The following FSTL5 variants were observed in gnomAD, a reference collection of about 807,000 sequenced individuals.
FSTL5 encodes the protein follistatin like 5.
Under a neutral mutation model 89.1 loss-of-function variants are expected in FSTL5, and 62 were observed. The observed-to-expected ratio is 0.70, with a 90% CI of 0.57 to 0.86. FSTL5 has a LOEUF of 0.86. Among genes scored for constraint, FSTL5 ranks in the 40% least tolerant of loss-of-function variants. The pLI is 0.00. For missense variants in FSTL5, 1,057 were observed against 1,001.6 expected (o/e 1.06, Z -0.75); for synonymous variants, 383 against 346.2 (o/e 1.11, Z -1.18).
chr4:161,782,341 C>A (rs1054523099), intron 4 of FSTL5, among the ~76,000 whole-genome samples: 7 of 152,098 alleles, frequency 4.6e-5, no homozygotes, highest in African/African-American at 1.7e-4. Context: ...AGTGGCCGTA[C>A]CATTTTGTAT....
chr4:161,863,417 A>T (rs1004035229), intron 4 of FSTL5, among the ~76,000 whole-genome samples: 1 of 152,216 alleles, frequency 6.6e-6, no homozygotes, highest in African/African-American at 2.4e-5. Flanking sequence ...TCATGGGGAA[A>T]GTCAACACAA....
rs567113213 is a variant in FSTL5, at chr4:161,738,725, A to G, written c.727+20686T>C. ...TAATAATGCTTCACATACTTGGAAA[A>G]TTGCATGGGAAATCAAAACTGTTTG... On this transcript the variant is annotated intron_variant, in intron 6 of 15. Transcript: ENST00000306100. 2.6e-5 allele frequency among the ~76,000 whole-genome samples: 4 copies of G among 152,298 alleles called. No individual in the cohort carries two copies. In the South Asian group the frequency reaches 8.3e-4, roughly 32 times the overall value.
intron 5 of FSTL5, among the ~76,000 whole-genome samples, chr4:161,775,659 G>T (rs1741382185): frequency 6.6e-6 from 1 of 152,040 alleles, no homozygotes; most frequent in Middle Eastern, 3.4e-3. Flanking sequence ...ATCAGAAGTA[G>T]ATATCTCTTT....
At chr4:161,625,938 C>T (rs571405584) in intron 7 of FSTL5, among the ~76,000 whole-genome samples, 54 of 152,170 alleles carry the variant, frequency 3.5e-4, no homozygotes, top group African/African-American at 1.2e-3. Context: ...CAGAGAAAGG[C>T]TGTAAATCTC....
At chr4:162,047,425 G>C (rs1406902820) in intron 2 of FSTL5, 4 of 152,038 alleles carry the variant, frequency 2.6e-5, no homozygotes, top group African/African-American at 9.7e-5. Context: ...ACAACTGGAG[G>C]GTTCATGGAG....
chr4:161,655,594 T>C (rs569711030), intron 7 of FSTL5, among the ~76,000 whole-genome samples: 149 of 152,280 alleles, frequency 9.8e-4, no homozygotes, highest in African/African-American at 3.5e-3. Context: ...AATTAATATA[T>C]GCACATGTTA....
At chr4:161,643,385 C>T (rs2126670483) in intron 7 of FSTL5, among the ~76,000 whole-genome samples, 1 of 152,140 alleles carries the variant, frequency 6.6e-6, no homozygotes, top group African/African-American at 2.4e-5. Context: ...TGGCCTTCAG[C>T]ATTTATATTT....
chr4:162,018,038 G>A (rs1736966243), intron 3 of FSTL5, among the ~76,000 whole-genome samples: 1 of 152,124 alleles, frequency 6.6e-6, no homozygotes, highest in African/African-American at 2.4e-5. Context: ...GCTAAGTCCA[G>A]TTCTGTGAGT....
chr4:162,119,757 T>C (rs1194400397), intron 1 of FSTL5, among the ~76,000 whole-genome samples: 1 of 152,154 alleles, frequency 6.6e-6, no homozygotes, highest in Non-Finnish European at 1.5e-5. Context: ...TATAGTACAC[T>C]AGAACCTATT....
chr4:161,992,886 ATATATATATATG>A (rs1736162755), intron 3 of FSTL5, among the ~76,000 whole-genome samples: 2 of 16,504 alleles, frequency 1.2e-4, no homozygotes, highest in Non-Finnish European at 3.7e-4. Flanking sequence ...ATATATATAT[ATATATATATATG>A]TGTGTGTATA....
intron 3 of FSTL5, among the ~76,000 whole-genome samples, chr4:161,944,802 TTTTG>T (rs1283957616): frequency 6.6e-6 from 1 of 151,794 alleles, no homozygotes; most frequent in African/African-American, 2.4e-5. Context: ...TAATTTATAA[TTTTG>T]TTTGTTTTTA....
intron 6 of FSTL5, among the ~76,000 whole-genome samples, chr4:161,657,331 TCA>T (rs1469679338): frequency 6.6e-6 from 1 of 152,212 alleles, no homozygotes; most frequent in East Asian, 1.9e-4. Context: ...CTGCTGACAT[TCA>T]CAGACATGAA....
rs569099188 is a variant in FSTL5, at chr4:161,481,666, T to C, written c.1459-497A>G. Among the ~76,000 whole-genome samples, 193 of 152,302 alleles carry C rather than the reference T, an allele frequency of 1.3e-3. 1 individual carries two copies. Among genetic ancestry groups the C allele is most frequent in the African/African-American group, 4.4e-3 (184 of 41,570 alleles). On this transcript the variant is annotated intron_variant, in intron 12 of 15. Coordinates refer to ENST00000306100, the MANE Select transcript of FSTL5 (RefSeq NM_020116.5). ...ATAAATCAGAGGCTTAAATAAATTA[T>C]AATAAGATAGTTATTCACAATGGTT...
chr4:161,736,177 G>C (rs1303730575), intron 6 of FSTL5, among the ~76,000 whole-genome samples: 1 of 152,074 alleles, frequency 6.6e-6, no homozygotes, highest in Non-Finnish European at 1.5e-5. Flanking sequence ...CTGCACATTT[G>C]ATTACAGAAT....
chr4:161,813,503 GA>G (rs1420171673), intron 4 of FSTL5, among the ~76,000 whole-genome samples: 1 of 152,170 alleles, frequency 6.6e-6, no homozygotes, highest in Non-Finnish European at 1.5e-5. Context: ...AACGATCATG[GA>G]AAAGCTGTTT....
chr4:161,532,518 G>C (rs1731447930), intron 10 of FSTL5, among the ~76,000 whole-genome samples: 1 of 152,050 alleles, frequency 6.6e-6, no homozygotes, highest in South Asian at 2.1e-4. Context: ...ATTTTTTGTA[G>C]ATTTATACAA....
chr4:161,642,072 T>C (rs1239111557), intron 7 of FSTL5, among the ~76,000 whole-genome samples: 2 of 152,132 alleles, frequency 1.3e-5, no homozygotes, highest in African/African-American at 2.4e-5. Flanking sequence ...TTTATACATT[T>C]AAGAGATGCA....
intron 11 of FSTL5, among the ~76,000 whole-genome samples, chr4:161,506,171 G>GC (rs70937659): frequency 0.8 from 121,072 of 151,732 alleles, 49,367 homozygotes; most frequent in Non-Finnish European, 0.89. Context: ...CAGAGCTCAG[G>GC]GATCCTCCCA....
intron 2 of FSTL5, among the ~76,000 whole-genome samples, chr4:162,033,990 C>T (rs1432491735): frequency 2.6e-5 from 4 of 151,828 alleles, no homozygotes; most frequent in Non-Finnish European, 1.5e-5. Flanking sequence ...TTTGTAGAGA[C>T]GAGGCTTCCT....
Sources: allele counts gnomAD v4.1 joint callset (sites outside exome capture counted in the v4.1 genomes callset), GRCh38; gene constraint gnomAD v4.1.1; transcripts MANE v1.5; gene names NCBI Gene and HGNC (gene_info 2026-07-23, HGNC 2026-07-21).